NBEA: variants seen among roughly 807,000 people sequenced by gnomAD.
NBEA encodes the protein lysosomal-trafficking regulator 2.
NBEA carries 44 observed loss-of-function variants against 343.4 expected under a neutral mutation model. The observed-to-expected ratio is 0.13, with a 90% CI of 0.10 to 0.16. The LOEUF (loss-of-function observed/expected upper bound fraction) is 0.16. NBEA is among the 10% of genes least tolerant of loss of function. NBEA has a pLI of 1.00. For synonymous variants in NBEA, 1,175 were observed against 1,238.7 expected, an observed-to-expected ratio of 0.95 and a Z score of 1.08; for missense variants, 2,555 against 3,631.3, an observed-to-expected ratio of 0.70 and a Z score of 7.62.
At chr13:35,177,512 G>A (rs765847609) in intron 28 of NBEA, among the ~76,000 whole-genome samples, 29 of 151,680 alleles carry the variant, frequency 1.9e-4, no homozygotes, top group Non-Finnish European at 4.0e-4. Context: ...TTTTGGAGGA[G>A]GGGCAATTAA....
intron 1 of NBEA, among the ~76,000 whole-genome samples, chr13:35,023,341 A>C (rs543502832): frequency 9.9e-5 from 15 of 152,270 alleles, no homozygotes; most frequent in African/African-American, 3.6e-4. Context: ...TCAGATGCCT[A>C]AGGAGATGAG....
chr13:35,368,192 C>A (rs903768433), intron 38 of NBEA, among the ~76,000 whole-genome samples: 1 of 151,416 alleles, frequency 6.6e-6, no homozygotes, highest in Admixed American at 6.6e-5. Context: ...TTATATAGGT[C>A]CTTTCAATCT....
intron 34 of NBEA, among the ~76,000 whole-genome samples, chr13:35,254,956 A>G (rs1306888365): frequency 6.6e-6 from 1 of 152,142 alleles, no homozygotes; most frequent in Non-Finnish European, 1.5e-5. Flanking sequence ...AGTATTATAT[A>G]AATAACAATT....
intron 47 of NBEA, among the ~76,000 whole-genome samples, chr13:35,599,303 A>G (rs147383789): frequency 2.6e-5 from 4 of 152,310 alleles, no homozygotes; most frequent in Non-Finnish European, 5.9e-5. Context: ...TGACTTTGTA[A>G]CAAATCACCC....
intron 38 of NBEA, among the ~76,000 whole-genome samples, chr13:35,385,632 G>A (rs565650883): frequency 6.6e-6 from 1 of 152,152 alleles, no homozygotes; most frequent in Non-Finnish European, 1.5e-5. Flanking sequence ...GGGCCCAGGA[G>A]TACGAGGCTG....
intron 41 of NBEA, among the ~76,000 whole-genome samples, chr13:35,543,740 T>C (rs1379832676): frequency 6.6e-6 from 1 of 152,178 alleles, no homozygotes; most frequent in East Asian, 1.9e-4. Context: ...AGAGAACCTG[T>C]ACTATCTTAT....
intron 1 of NBEA, among the ~76,000 whole-genome samples, chr13:34,969,837 A>T (rs1380621895): frequency 6.6e-6 from 1 of 151,886 alleles, no homozygotes; most frequent in South Asian, 2.1e-4. Context: ...TGCTATTTTG[A>T]ATAGTGCTGC....
intron 49 of NBEA, among the ~76,000 whole-genome samples, chr13:35,644,985 C>T (rs1039353541): frequency 2.6e-5 from 4 of 152,166 alleles, no homozygotes; most frequent in Non-Finnish European, 4.4e-5. Context: ...CCCATTTACG[C>T]GATGGCTAAA....
At chr13:35,432,099 T>C (rs181028163) in intron 38 of NBEA, among the ~76,000 whole-genome samples, 170 bp from the exon 39 acceptor site, 5 of 152,094 alleles carry the variant, frequency 3.3e-5, no homozygotes. Context: ...AGAGGAAATA[T>C]ATATATATAT....
intron 33 of NBEA, among the ~76,000 whole-genome samples, chr13:35,223,601 A>AT (rs913686403): frequency 1.1e-4 from 17 of 152,000 alleles, no homozygotes; most frequent in Non-Finnish European, 1.9e-4. Flanking sequence ...TATGTTACAT[A>AT]TTTTTTTACT....
intron 1 of NBEA, among the ~76,000 whole-genome samples, chr13:35,020,343 TATC>T (rs1455719294): frequency 1.3e-5 from 2 of 152,222 alleles, no homozygotes; most frequent in Non-Finnish European, 2.9e-5. Flanking sequence ...CGTGATCAGA[TATC>T]ATACTTTGTA....
intron 49 of NBEA, among the ~76,000 whole-genome samples, chr13:35,638,190 A>G (rs890432492): frequency 2.6e-5 from 4 of 152,330 alleles, no homozygotes; most frequent in African/African-American, 9.6e-5. Flanking sequence ...TTGGTTACAC[A>G]ATAGTGTGAA....
At chr13:35,493,739 G>A (rs974859492) in intron 41 of NBEA, among the ~76,000 whole-genome samples, 1 of 151,858 alleles carries the variant, frequency 6.6e-6, no homozygotes, top group Non-Finnish European at 1.5e-5. Flanking sequence ...TGTGATGAAG[G>A]CATTGGAGTA....
chr13:35,239,151 A>G (rs1315790912), intron 34 of NBEA, among the ~76,000 whole-genome samples: 1 of 152,160 alleles, frequency 6.6e-6, no homozygotes, highest in Non-Finnish European at 1.5e-5. Flanking sequence ...TCCATAAAAA[A>G]TGGATGGAAG....
chr13:35,575,151 A>T (rs1054380838), intron 45 of NBEA, among the ~76,000 whole-genome samples: 1 of 152,212 alleles, frequency 6.6e-6, no homozygotes, highest in South Asian at 2.1e-4. Flanking sequence ...ACATTTAATT[A>T]ATAGAAAAAT....
intron 26 of NBEA, among the ~76,000 whole-genome samples, chr13:35,172,467 A>T (rs1040058333): frequency 1.3e-4 from 19 of 151,916 alleles, no homozygotes; most frequent in East Asian, 3.9e-4. Flanking sequence ...ATATATATAT[A>T]TTTTTAAAAT....
intron 47 of NBEA, among the ~76,000 whole-genome samples, chr13:35,603,175 A>AT (rs1393818907): frequency 6.6e-6 from 1 of 152,034 alleles, no homozygotes; most frequent in Non-Finnish European, 1.5e-5. Flanking sequence ...ATCTTGAGGC[A>AT]TTTTTCTGAC....
intron 17 of NBEA, among the ~76,000 whole-genome samples, chr13:35,137,562 A>G (rs1455477162): frequency 6.6e-6 from 1 of 151,984 alleles, no homozygotes; most frequent in African/African-American, 2.4e-5. Flanking sequence ...GTAAAATTAC[A>G]TTTGATGCTT....
At chr13:35,333,543 A>G (rs574641208) in intron 36 of NBEA, among the ~76,000 whole-genome samples, 4 of 152,240 alleles carry the variant, frequency 2.6e-5, no homozygotes, top group African/African-American at 9.6e-5. Flanking sequence ...GTTACAAACA[A>G]TACAATTATA....
Sources: gnomAD v4.1 joint callset for allele counts (sites outside exome capture counted in the v4.1 genomes callset) on GRCh38, gnomAD v4.1.1 for gene constraint, MANE v1.5 for transcripts, NCBI Gene and HGNC (gene_info 2026-07-23, HGNC 2026-07-21) for gene names.